The following SETD7 variants were observed in gnomAD, a reference collection of about 807,000 sequenced individuals.
The protein encoded by SETD7 is SET domain containing 7, histone lysine methyltransferase.
Under a neutral mutation model 41.8 loss-of-function variants are expected in SETD7, and 16 were observed. That is an observed-to-expected ratio of 0.38 (90% CI 0.26 to 0.58). The LOEUF (loss-of-function observed/expected upper bound fraction) is 0.58. Ranked by LOEUF, SETD7 falls within the 20% of genes least tolerant of loss-of-function variation. SETD7 has a pLI of 0.64. For synonymous variants in SETD7, 163 were observed against 169.7 expected (o/e 0.96, Z 0.31); for missense variants, 346 against 459.7 (o/e 0.75, Z 2.26).
chr4:139,526,388 G>T (rs1444587642), intron 4 of SETD7, among the ~76,000 whole-genome samples: 3 of 149,980 alleles, frequency 2.0e-5, no homozygotes, highest in Non-Finnish European at 4.4e-5. Flanking sequence ...TCCCACCTCA[G>T]TCTCCCAAGT....
At chr4:139,503,233 A>AC, downstream of SETD7, among the ~76,000 whole-genome samples, 1 of 151,418 alleles carries the variant, frequency 6.6e-6, no homozygotes, top group African/African-American at 2.4e-5. Context: ...GGATTGGATC[A>AC]AAGAGGGACC....
At chr4:139,495,483 G>A (rs1222909454), downstream of SETD7, among the ~76,000 whole-genome samples, 2 of 152,090 alleles carry the variant, frequency 1.3e-5, no homozygotes, top group Non-Finnish European at 2.9e-5. Flanking sequence ...TCACAGTTCT[G>A]CATGGCTGGG....
chr4:139,508,442 T>G lies in SETD7; in HGVS notation c.*3221A>C, dbSNP rs1039813505. 4 of 152,256 alleles carry G rather than the reference T, an allele frequency of 2.6e-5. No individual in the cohort carries two copies. The highest frequency in any genetic ancestry group is 5.9e-5 in the Non-Finnish European group (4 of 68,050). The allele number at this position is 152,256 out of a possible 1,614,324, so 9.4% of individuals were successfully genotyped here. On this transcript the variant is annotated 3_prime_UTR_variant, in exon 8 of 8. Coordinates refer to ENST00000274031, the MANE Select transcript of SETD7 (RefSeq NM_030648.4). Reference sequence around the variant, plus strand: ...TCGGAAATTCAGTCTTTCCAGTTGTTTTTGTTAGTCCATTCAAATGTCCAT... The same window carrying G: ...TCGGAAATTCAGTCTTTCCAGTTGTGTTTGTTAGTCCATTCAAATGTCCAT...
rs1395066886 is a variant in SETD7 at position 139,556,082 on chromosome 4, G to A, written c.40+16C>T. 4.4e-6 allele frequency: 7 copies of A among 1,589,070 alleles called. No individual in the cohort carries two copies. Among genetic ancestry groups the A allele is most frequent in the Non-Finnish European group, 6.0e-6 (7 of 1,168,882 alleles). ...CCTCTGCGCCTCCTCCCCCGGCCCC[G>A]GAGAAATGCTTGTACCTTCCACCGC... On this transcript the variant is annotated intron_variant, in intron 1 of 7. Transcript: ENST00000274031.
chr4:139,531,065 C>T (rs1420859191), intron 3 of SETD7, among the ~76,000 whole-genome samples: 1 of 152,068 alleles, frequency 6.6e-6, no homozygotes, highest in East Asian at 1.9e-4. Context: ...TGGTGAGCAG[C>T]CAGGGTCTGA....
intron 1 of SETD7, among the ~76,000 whole-genome samples, chr4:139,550,942 G>A (rs550343312): frequency 1.5e-4 from 23 of 152,306 alleles, no homozygotes; most frequent in Admixed American, 4.6e-4. Context: ...AATACTGAAA[G>A]CCCCTTCTCC....
At position 139,508,387 on chromosome 4, in the gene SETD7, C is replaced by T. The variant is rs1236593672; in HGVS notation, c.*3276G>A. ...TACAAGACTCAAGAACTCCTCACTG[C>T]TTTCTTTTTGATCCCATCATTCCTT... On this transcript the variant is annotated 3_prime_UTR_variant, in exon 8 of 8. Coordinates refer to ENST00000274031, the MANE Select transcript of SETD7 (RefSeq NM_030648.4). 1 of 152,210 alleles carries T rather than the reference C, an allele frequency of 6.6e-6. No individual in the cohort carries two copies. Among genetic ancestry groups the T allele is most frequent in the South Asian group, 2.1e-4 (1 of 4,820 alleles). The allele number at this position is 152,210 out of a possible 1,614,324, so 9.4% of individuals were successfully genotyped here.
At chr4:139,541,483 A>AC (rs1727776737) in intron 2 of SETD7, among the ~76,000 whole-genome samples, 2 of 152,224 alleles carry the variant, frequency 1.3e-5, no homozygotes, top group African/African-American at 4.8e-5. Flanking sequence ...GATCCACACC[A>AC]ACAAAGCCTC....
chr4:139,535,896 C>G (rs1727624962), intron 2 of SETD7, among the ~76,000 whole-genome samples: 1 of 152,144 alleles, frequency 6.6e-6, no homozygotes, highest in African/African-American at 2.4e-5. Flanking sequence ...TTAAAATCCT[C>G]TGTCATTGAG....
Position 139,537,307 on chromosome 4 carries a change from G to A in SETD7, c.171-3941C>T, listed in dbSNP as rs531630790. 1.7e-4 allele frequency among the ~76,000 whole-genome samples: 26 copies of A among 152,274 alleles called. No homozygotes were observed. In the South Asian group the frequency reaches 2.5e-3, roughly 15 times the overall value. On this transcript the variant is annotated intron_variant, in intron 2 of 7. Coordinates refer to ENST00000274031, the MANE Select transcript of SETD7 (RefSeq NM_030648.4). ...TGCCCTCTAACCTGGGCAACAGAGC[G>A]AGACTTGTATCCATTAAAATGTTAA...
rs577939719 is a variant in SETD7 at position 139,506,117 on chromosome 4, T to C, written c.*5546A>G. On this transcript the variant is annotated 3_prime_UTR_variant, in exon 8 of 8. Transcript: ENST00000274031. ...TCTTTAAATTTACTTTCATTACAAA[T>C]ATTTGTCAAGTTTTGTTTCAGAAAC... The C allele has an allele frequency of 6.5e-6, 1 of 152,778 alleles. No homozygotes were observed. Among genetic ancestry groups the C allele is most frequent in the South Asian group, 2.1e-4 (1 of 4,828 alleles). The allele number at this position is 152,778 out of a possible 1,614,324, so 9.5% of individuals were successfully genotyped here. A position where few individuals can be genotyped will look rare whatever the true frequency, so the allele number is the denominator to read the frequency against.
intron 3 of SETD7, among the ~76,000 whole-genome samples, chr4:139,530,066 T>G (rs1476197445): frequency 6.6e-6 from 1 of 152,176 alleles, no homozygotes; most frequent in South Asian, 2.1e-4. Flanking sequence ...AGGGACACAG[T>G]AGGTGATTCT....
At chr4:139,514,855 T>C (rs1726981519) in intron 7 of SETD7, among the ~76,000 whole-genome samples, 1 of 152,150 alleles carries the variant, frequency 6.6e-6, no homozygotes, top group South Asian at 2.1e-4. Flanking sequence ...TATGGAAGTG[T>C]TTTGTTTATG....
intron 7 of SETD7, among the ~76,000 whole-genome samples, chr4:139,512,322 T>C (rs140862575): frequency 8.2e-4 from 125 of 152,294 alleles, no homozygotes; most frequent in African/African-American, 2.8e-3. Flanking sequence ...AAGAGCCCTG[T>C]GGATTTTCAA....
Position 139,509,853 on chromosome 4 carries a change from C to T in SETD7, c.*1810G>A, listed in dbSNP as rs986949250. 1.0e-6 allele frequency: 1 copy of T among 985,464 alleles called. No homozygotes were observed. The highest frequency in any genetic ancestry group is 1.2e-6 in the Non-Finnish European group (1 of 829,964). 61.0% of individuals were successfully genotyped at this position (985,464 alleles called of 1,614,324 possible). ...TTCCTGGAAGCACTGACAACTTCCT[C>T]TCATGGGTGAACCATTGGCTTAAGC... On this transcript the variant is annotated 3_prime_UTR_variant, in exon 8 of 8. Coordinates refer to ENST00000274031, the MANE Select transcript of SETD7 (RefSeq NM_030648.4).
chr4:139,495,148 T>G (rs893048901), downstream of SETD7, among the ~76,000 whole-genome samples: 4 of 152,226 alleles, frequency 2.6e-5, no homozygotes, highest in Admixed American at 2.6e-4. Flanking sequence ...ATTTCTACTG[T>G]GAAAATTAAA....
chr4:139,520,109 A>C (rs1727137965), intron 6 of SETD7, among the ~76,000 whole-genome samples, 168 bp downstream of exon 6: 1 of 152,212 alleles, frequency 6.6e-6, no homozygotes, highest in African/African-American at 2.4e-5. Context: ...ACTTTTAAAA[A>C]AAATCGTATT....
downstream of SETD7, among the ~76,000 whole-genome samples, chr4:139,504,662 A>C (rs1038284831): frequency 2.0e-5 from 3 of 152,154 alleles, no homozygotes; most frequent in African/African-American, 7.2e-5. Context: ...TTTAATATAA[A>C]CTAGCAGTCT....
intron 7 of SETD7, among the ~76,000 whole-genome samples, chr4:139,512,726 CATTT>C (rs971834906): frequency 5.5e-5 from 8 of 146,408 alleles, no homozygotes; most frequent in Non-Finnish European, 1.2e-4. Context: ...CAATCTCATT[CATTT>C]AGAGTCTTTT....
Sources: allele counts gnomAD v4.1 joint callset (sites outside exome capture counted in the v4.1 genomes callset), GRCh38; gene constraint gnomAD v4.1.1; transcripts MANE v1.5; gene names NCBI Gene and HGNC (gene_info 2026-07-23, HGNC 2026-07-21).